PRKCE: variants seen among roughly 807,000 people sequenced by gnomAD.
PRKCE encodes the protein protein kinase C epsilon type.
PRKCE carries 16 observed loss-of-function variants against 85.4 expected under a neutral mutation model. The observed-to-expected ratio is 0.19, with a 90% CI of 0.13 to 0.28. The LOEUF (loss-of-function observed/expected upper bound fraction) is 0.28. Among genes scored for constraint, PRKCE ranks in the 10% least tolerant of loss-of-function variants. The pLI, the probability that PRKCE is intolerant of heterozygous loss-of-function variation, is 1.00. For missense variants in PRKCE, 573 were observed against 975.2 expected (o/e 0.59, Z 5.49); for synonymous variants, 388 against 371.5 (o/e 1.04, Z -0.51).
chr2:46,030,946 G>C (rs779688845), intron 10 of PRKCE, among the ~76,000 whole-genome samples: 1 of 152,046 alleles, frequency 6.6e-6, no homozygotes, highest in Non-Finnish European at 1.5e-5. Flanking sequence ...TGTCTTGCAC[G>C]GTCCTGTATA....
chr2:46,111,277 A>G (rs1272559369), intron 11 of PRKCE, among the ~76,000 whole-genome samples: 1 of 152,184 alleles, frequency 6.6e-6, no homozygotes, highest in Admixed American at 6.5e-5. Flanking sequence ...CCACTGAAAT[A>G]GGGGGTTTGT....
chr2:45,783,206 C>T (rs756873926), intron 1 of PRKCE, among the ~76,000 whole-genome samples: 4 of 152,134 alleles, frequency 2.6e-5, no homozygotes, highest in East Asian at 1.9e-4. Context: ...AGCTCCTTTA[C>T]GCACAGCCAT....
At chr2:45,661,955 A>C (rs1675683791) in intron 1 of PRKCE, among the ~76,000 whole-genome samples, 2 of 152,172 alleles carry the variant, frequency 1.3e-5, no homozygotes, top group African/African-American at 4.8e-5. Context: ...AGACTATGGC[A>C]TCTTTTGTTG....
At chr2:45,896,450 A>ATGTTGCAACCATCCACATGCC (rs1696149404) in intron 2 of PRKCE, among the ~76,000 whole-genome samples, 1 of 152,172 alleles carries the variant, frequency 6.6e-6, no homozygotes, top group African/African-American at 2.4e-5. Flanking sequence ...TTCCCAAAGG[A>ATGTTGCAACCATCCACATGCC]TGTTGCAACC....
At chr2:45,897,323 G>A (rs28470420) in intron 2 of PRKCE, among the ~76,000 whole-genome samples, 3,736 of 152,132 alleles carry the variant, frequency 0.025, 140 homozygotes, top group African/African-American at 0.084. Flanking sequence ...GTAGACCTGC[G>A]GACACTGATC....
At chr2:45,935,864 G>T (rs1573940485) in intron 2 of PRKCE, among the ~76,000 whole-genome samples, 1 of 152,248 alleles carries the variant, frequency 6.6e-6, no homozygotes, top group South Asian at 2.1e-4. Flanking sequence ...TGGTTTGTCT[G>T]CTGTGTCTGT....
At chr2:45,933,464 CTTTTTTTTT>C (rs59991455) in intron 2 of PRKCE, among the ~76,000 whole-genome samples, 17 of 65,360 alleles carry the variant, frequency 2.6e-4, no homozygotes, top group African/African-American at 9.9e-4. Context: ...CATATGCCTG[CTTTTTTTTT>C]TTTTTTTTTT....
chr2:45,756,065 T>C (rs1283378374), intron 1 of PRKCE, among the ~76,000 whole-genome samples: 1 of 152,166 alleles, frequency 6.6e-6, no homozygotes, highest in Non-Finnish European at 1.5e-5. Context: ...AGACACACAA[T>C]GAACTGCCAA....
chr2:46,095,437 C>T (rs1043084519), intron 11 of PRKCE, among the ~76,000 whole-genome samples: 1 of 152,190 alleles, frequency 6.6e-6, no homozygotes, highest in African/African-American at 2.4e-5. Context: ...TTTCACTTCT[C>T]CAGAGAATAA....
At chr2:46,175,156 C>T (rs997350143) in intron 14 of PRKCE, among the ~76,000 whole-genome samples, 25 of 151,890 alleles carry the variant, frequency 1.6e-4, no homozygotes, top group African/African-American at 5.6e-4. Flanking sequence ...GTAATGTCAG[C>T]GAAAAGAAAG....
At chr2:45,942,659 C>T (rs919765297) in intron 2 of PRKCE, among the ~76,000 whole-genome samples, 1 of 152,184 alleles carries the variant, frequency 6.6e-6, no homozygotes, top group African/African-American at 2.4e-5. Flanking sequence ...AAATTCCTCT[C>T]TTTCCTGTGC....
At chr2:45,654,480 C>T (rs572182392) in intron 1 of PRKCE, among the ~76,000 whole-genome samples, 1 of 152,312 alleles carries the variant, frequency 6.6e-6, no homozygotes, top group South Asian at 2.1e-4. Flanking sequence ...ACATGACAAG[C>T]AAAGGTGGGT....
Position 45,978,963 on chromosome 2 carries a change from T to C in PRKCE, c.573-13T>C, listed in dbSNP as rs767891414. ...TTTCACTTTTTTTAAAAAAATGTTA[T>C]TCTTCTTTTCAGGGGTGTCATAGGA... On this transcript the variant is annotated splice_polypyrimidine_tract_variant and intron_variant, in intron 3 of 14. Coordinates refer to ENST00000306156, the MANE Select transcript of PRKCE (RefSeq NM_005400.3). 8 of 1,598,028 alleles carry C rather than the reference T, an allele frequency of 5.0e-6. No homozygotes were observed. Among genetic ancestry groups the C allele is most frequent in the Non-Finnish European group, 6.8e-6 (8 of 1,179,160 alleles).
Position 46,159,903 on chromosome 2 carries a change from A to G in PRKCE, c.2067+151A>G, listed in dbSNP as rs3738895. On this transcript the variant is annotated intron_variant, in intron 14 of 14. Transcript: ENST00000306156. This position sits in a 1 kb window ranked among gnomAD's most constrained non-coding sequence, Gnocchi z 4.1. Reference sequence around the variant, plus strand: ...GGTGGCTGAGGCTCTCCCTAAGACAATGTCTTTAGGCCCCAAGTGTTTACT... The same window carrying G: ...GGTGGCTGAGGCTCTCCCTAAGACAGTGTCTTTAGGCCCCAAGTGTTTACT... 0.073 allele frequency: 67,063 copies of G among 913,744 alleles called. 2,877 individuals carry two copies. The highest frequency in any genetic ancestry group is 0.13 in the South Asian group (6,956 of 53,836). 56.6% of individuals were successfully genotyped at this position (913,744 alleles called of 1,614,324 possible). A position where few individuals can be genotyped will look rare whatever the true frequency, so the allele number is the denominator to read the frequency against.
chr2:45,748,883 G>A (rs1683336659), intron 1 of PRKCE, among the ~76,000 whole-genome samples: 2 of 131,696 alleles, frequency 1.5e-5, no homozygotes, highest in African/African-American at 6.0e-5. Context: ...AACAGAGAGG[G>A]AACAGGATTT....
At chr2:45,734,102 C>T (rs1016263385) in intron 1 of PRKCE, among the ~76,000 whole-genome samples, 11 of 152,162 alleles carry the variant, frequency 7.2e-5, no homozygotes, top group African/African-American at 2.7e-4. Flanking sequence ...TGCGGTGGCT[C>T]ACGCCTGTAA....
intron 1 of PRKCE, among the ~76,000 whole-genome samples, chr2:45,655,897 G>A (rs1675358811): frequency 6.6e-6 from 1 of 150,888 alleles, no homozygotes; most frequent in South Asian, 2.1e-4. Flanking sequence ...AAGAATCCAG[G>A]AGGGTTTTTG....
intron 2 of PRKCE, among the ~76,000 whole-genome samples, chr2:45,868,710 G>A (rs1045330572): frequency 1.4e-5 from 2 of 147,994 alleles, no homozygotes; most frequent in African/African-American, 5.0e-5. Context: ...GCCGAGGTGG[G>A]CGGATCGTCT....
chr2:45,674,955 T>A (rs771677916), intron 1 of PRKCE: 1 of 152,256 alleles, frequency 6.6e-6, no homozygotes, highest in Non-Finnish European at 1.5e-5. Flanking sequence ...CAAGATTTTC[T>A]GTGTTTGGAT....
Sources: allele counts gnomAD v4.1 joint callset (sites outside exome capture counted in the v4.1 genomes callset), GRCh38; gene constraint gnomAD v4.1.1; non-coding constraint Gnocchi (gnomAD v3.1); transcripts MANE v1.5; gene names NCBI Gene and HGNC (gene_info 2026-07-23, HGNC 2026-07-21).